The following ZNF555 variants were observed in gnomAD, a reference collection of about 807,000 sequenced individuals.
The protein encoded by ZNF555 is zinc finger protein 555.
Under a neutral mutation model 14.0 loss-of-function variants are expected in ZNF555, and 10 were observed. The observed-to-expected ratio is 0.72, with a 90% CI of 0.44 to 1.21. The LOEUF is 1.21. Among genes scored for constraint, ZNF555 ranks in the 50% most tolerant of loss-of-function variants. ZNF555 has a pLI of 0.00. For synonymous variants in ZNF555, 277 were observed against 262.4 expected (o/e 1.06, Z -0.54); for missense variants, 747 against 762.0 (o/e 0.98, Z 0.23).
intron 1 of ZNF555, 101 bp from the exon 2 acceptor site, chr19:2,850,486 G>A: frequency 1.3e-6 from 2 of 1,505,586 alleles, no homozygotes; most frequent in South Asian, 1.2e-5. Flanking sequence ...GTAGATGTCA[G>A]GGAATCACAG....
At position 2,850,607 on chromosome 19, in the gene ZNF555, T is replaced by C. The variant is rs1304651022; in HGVS notation, c.24T>C (p.Asp8=). MDSVVFE[D]VAVDFTLEEW... ...TTTAGGACTCAGTGGTCTTTGAGGA[T>C]GTGGCTGTGGACTTCACCCTGGAGG... is the stretch of plus-strand genomic sequence containing the variant. The change falls in exon 2 of 4, where the codon GAT becomes GAC. Residue 8 remains aspartate (D), a synonymous_variant. Transcript: ENST00000334241. The C allele has an allele frequency of 6.2e-7, 1 of 1,613,940 alleles. No individual in the cohort carries two copies. The highest frequency in any genetic ancestry group is 8.5e-7 in the Non-Finnish European group (1 of 1,179,860).
rs746765692 is a variant in ZNF555 at position 2,852,606 on chromosome 19, T to G, written c.541T>G (p.Tyr181Asp). 3 of 1,614,170 alleles carry G rather than the reference T, an allele frequency of 1.9e-6. No individual in the cohort carries two copies. Among genetic ancestry groups the G allele is most frequent in the South Asian group, 1.1e-5 (1 of 91,084 alleles). The change falls in exon 4 of 4, where the codon TAC (tyrosine) becomes GAC (aspartate). Residue 181 changes from tyrosine (Y) to aspartate (D), a missense_variant. Transcript: ENST00000334241. ...TCAGTGCCAGGAATGTGGGCAGGCC[T>G]ACAGTTGTCGTTCACACCTAAGAAT... Reference protein sequence around the residue: ...PYQCQECGQAYSCRSHLRMHV... With the variant: ...PYQCQECGQADSCRSHLRMHV...
Position 2,856,628 on chromosome 19 carries a change from T to A in ZNF555, c.*2676T>A, listed in dbSNP as rs2087685535. On this transcript the variant is annotated 3_prime_UTR_variant, in exon 4 of 4. Coordinates refer to ENST00000334241, the MANE Select transcript of ZNF555 (RefSeq NM_152791.5). ...GTCAAAGAAAATTTGCTGTGTTGAGTTGAAGTTTGAACACATGATCAAGAA... is the reference window on the plus strand; with the variant it reads ...GTCAAAGAAAATTTGCTGTGTTGAGATGAAGTTTGAACACATGATCAAGAA... 6.6e-6 allele frequency: 1 copy of A among 152,086 alleles called. No homozygotes were observed. Among genetic ancestry groups the A allele is most frequent in the Admixed American group, 6.5e-5 (1 of 15,272 alleles). 9.4% of individuals were successfully genotyped at this position (152,086 alleles called of 1,614,324 possible). A position where few individuals can be genotyped will look rare whatever the true frequency, so the allele number is the denominator to read the frequency against.
At chr19:2,849,096 G>T (rs1035665248) in intron 1 of ZNF555, among the ~76,000 whole-genome samples, 3 of 152,174 alleles carry the variant, frequency 2.0e-5, no homozygotes, top group Non-Finnish European at 4.4e-5. Context: ...CCAGTAGGAG[G>T]GTCCTGTAGA....
At chr19:2,841,629 G>C in intron 1 of ZNF555, 54 bp downstream of exon 1, 2 of 1,385,048 alleles carry the variant, frequency 1.4e-6, no homozygotes, top group Non-Finnish European at 1.9e-6. Flanking sequence ...ACCGGCGACC[G>C]CCCGAGACCG....
In ZNF555 at chr19:2,858,789, T is replaced by C; in HGVS notation, c.*4837T>C. ...CGCCTCACGGTGTCAACATCTCCCA[T>C]GACATCACAAAGATGCCCAGCTGGG... On this transcript the variant is annotated 3_prime_UTR_variant, in exon 4 of 4. Coordinates refer to ENST00000334241, the MANE Select transcript of ZNF555 (RefSeq NM_152791.5). 6.6e-6 allele frequency: 1 copy of C among 152,250 alleles called. No individual in the cohort carries two copies. The highest frequency in any genetic ancestry group is 1.9e-4 in the East Asian group (1 of 5,196). The allele number at this position is 152,250 out of a possible 1,614,324, so 9.4% of individuals were successfully genotyped here.
intron 1 of ZNF555, among the ~76,000 whole-genome samples, chr19:2,842,580 A>G (rs1317061428): frequency 3.3e-5 from 5 of 152,080 alleles, no homozygotes; most frequent in Non-Finnish European, 5.9e-5. Context: ...TAGCAATGGG[A>G]TTCCTTGCTG....
At chr19:2,846,048 C>A (rs1484269651) in intron 1 of ZNF555, among the ~76,000 whole-genome samples, 1 of 152,160 alleles carries the variant, frequency 6.6e-6, no homozygotes, top group Non-Finnish European at 1.5e-5. Context: ...GCAGGGCTCC[C>A]AGTGTGACCT....
intron 1 of ZNF555, among the ~76,000 whole-genome samples, chr19:2,844,859 A>G (rs1193027420): frequency 6.6e-6 from 1 of 152,208 alleles, no homozygotes; most frequent in Non-Finnish European, 1.5e-5. Context: ...GGAGGCCCCT[A>G]TGAAGTAGGA....
In ZNF555 at chr19:2,854,229, CTATTA is replaced by C. The variant is rs2087665356; in HGVS notation, c.*282_*286del. 5.7e-6 allele frequency: 2 copies of C among 353,044 alleles called. No individual in the cohort carries two copies. The highest frequency in any genetic ancestry group is 1.0e-5 in the Non-Finnish European group (2 of 195,188). The allele number at this position is 353,044 out of a possible 1,614,324, so 21.9% of individuals were successfully genotyped here. A position where few individuals can be genotyped will look rare whatever the true frequency, so the allele number is the denominator to read the frequency against. On this transcript the variant is annotated 3_prime_UTR_variant, in exon 4 of 4. Transcript: ENST00000334241. ...GTGACAGGTATTGGATATTACGTAT[CTATTA>C]TATTTTCCACCTTTTTTACTGGGAG...
At chr19:2,847,802 T>A (rs2087594315) in intron 1 of ZNF555, among the ~76,000 whole-genome samples, 1 of 152,176 alleles carries the variant, frequency 6.6e-6, no homozygotes, top group Non-Finnish European at 1.5e-5. Context: ...CGGACATATC[T>A]TTCTGGGGGA....
In ZNF555 at chr19:2,859,918, G is replaced by C. The variant is rs926737537; in HGVS notation, c.*5966G>C. ...ATTAAGTATTTCTTGATGTTCTTCT[G>C]TGTAACAGGTGATGTCCTAGGTGCT... On this transcript the variant is annotated 3_prime_UTR_variant, in exon 4 of 4. Transcript: ENST00000334241. 6.6e-6 allele frequency: 1 copy of C among 152,238 alleles called. No individual in the cohort carries two copies. The allele number at this position is 152,238 out of a possible 1,614,324, so 9.4% of individuals were successfully genotyped here.
intron 1 of ZNF555, among the ~76,000 whole-genome samples, chr19:2,848,470 A>T (rs956335146): frequency 7.2e-6 from 1 of 138,290 alleles, no homozygotes; most frequent in Non-Finnish European, 1.6e-5. Context: ...TTTTTTTTAG[A>T]TGAAGTCTTA....
At position 2,852,675 on chromosome 19, in the gene ZNF555, TTA is replaced by T. The variant is rs765745461; in HGVS notation, c.612_613del (p.Cys205TrpfsTer20). The T allele has an allele frequency of 8.7e-6, 14 of 1,614,150 alleles. No homozygotes were observed. The East Asian group carries it at 3.1e-4, about 36-fold the overall frequency. On this transcript the variant is annotated frameshift_variant, in exon 4 of 4. Transcript: ENST00000334241. LOFTEE classifies it low-confidence loss of function (END_TRUNC). ...HNGERPYVCKLCGKTFPRTSS... is the reference protein window; with the variant it reads ...HNGERPYVCKXCGKTFPRTSS... ...TGGAGAGAGACCCTATGTGTGTAAA[TTA>T]TGTGGGAAAACCTTTCCTCGTACTT...
chr19:2,859,178 T>C lies in ZNF555; in HGVS notation c.*5226T>C, dbSNP rs1353886191. 5 of 152,220 alleles carry C rather than the reference T, an allele frequency of 3.3e-5. No individual in the cohort carries two copies. Among genetic ancestry groups the C allele is most frequent in the South Asian group, 2.1e-4 (1 of 4,828 alleles). 9.4% of individuals were successfully genotyped at this position (152,220 alleles called of 1,614,324 possible). ...CGCGTCTAAAAGAGCTGTGCTTTGT[T>C]GGGGCTATCTGGGAGTTTCCGCCTT... On this transcript the variant is annotated 3_prime_UTR_variant, in exon 4 of 4. Transcript: ENST00000334241.
rs2087689192 is a variant in ZNF555, at chr19:2,857,083, A to T, written c.*3131A>T. The T allele has an allele frequency of 6.6e-6, 1 of 152,236 alleles. No homozygotes were observed. Among genetic ancestry groups the T allele is most frequent in the Admixed American group, 6.5e-5 (1 of 15,282 alleles). 9.4% of individuals were successfully genotyped at this position (152,236 alleles called of 1,614,324 possible). A position where few individuals can be genotyped will look rare whatever the true frequency, so the allele number is the denominator to read the frequency against. ...GTATCATTTCAACCTCTGAACTTCC[A>T]GAATTAACTAGGGAAGAGGAAAAAC... On this transcript the variant is annotated 3_prime_UTR_variant, in exon 4 of 4. Transcript: ENST00000334241.
intron 3 of ZNF555, 45 bp downstream of exon 3, chr19:2,851,696 T>C: frequency 7.0e-7 from 1 of 1,424,080 alleles, no homozygotes; most frequent in South Asian, 1.7e-5. Flanking sequence ...GGAGAGAATC[T>C]TAGTCTGTCA....
rs1355558097 is a variant in ZNF555, at chr19:2,841,535, G to A, written c.-38G>A. On this transcript the variant is annotated 5_prime_UTR_variant, in exon 1 of 4. Transcript: ENST00000334241. ...TCCCTGGCGTCCCGGTTCCTGTCGC[G>A]CTCACCTGCGCCGGTAGCGAAGAAA... is the stretch of plus-strand genomic sequence containing the variant. The A allele has an allele frequency of 3.9e-6, 6 of 1,544,850 alleles. No homozygotes were observed. The highest frequency in any genetic ancestry group is 5.2e-6 in the Non-Finnish European group (6 of 1,144,244).
rs1415599783 is a variant in ZNF555 at position 2,851,559 on chromosome 19, C to T, written c.222C>T (p.Phe74=). The T allele has an allele frequency of 2.5e-6, 4 of 1,612,774 alleles. No homozygotes were observed. The highest frequency in any genetic ancestry group is 1.6e-4 in the Middle Eastern group (1 of 6,062). Reference sequence around the variant, plus strand: ...CCAAGGAATCTAAAATAGCCACGTTCACCAGAAATGTTTCCTGGGCCTCTG... The same window carrying T: ...CCAAGGAATCTAAAATAGCCACGTTTACCAGAAATGTTTCCTGGGCCTCTG... ...KIPKESKIAT[F]TRNVSWASVL... is the part of the protein sequence containing the mutation. The change falls in exon 3 of 4, where the codon TTC becomes TTT. Residue 74 remains phenylalanine (F), a synonymous_variant. Coordinates refer to ENST00000334241, the MANE Select transcript of ZNF555 (RefSeq NM_152791.5).
Sources: gnomAD v4.1 joint callset for allele counts (sites outside exome capture counted in the v4.1 genomes callset) on GRCh38, gnomAD v4.1.1 for gene constraint, MANE v1.5 for transcripts, NCBI Gene and HGNC (gene_info 2026-07-23, HGNC 2026-07-21) for gene names.